Variants in MTUS2 observed in about 807,000 individuals in gnomAD.
MTUS2 encodes microtubule associated scaffold protein 2, also known as microtubule-associated tumor suppressor candidate 2.
In MTUS2, 40 loss-of-function variants were observed where a neutral mutation model predicts 114.1. The observed-to-expected ratio is 0.35, with a 90% CI of 0.27 to 0.46. The LOEUF is 0.46. Among genes scored for constraint, MTUS2 ranks in the 20% least tolerant of loss-of-function variants. The pLI is 1.00. For synonymous variants in MTUS2, 688 were observed against 672.0 expected (o/e 1.02, Z -0.37); for missense variants, 1,679 against 1,705.4 (o/e 0.98, Z 0.27).
At chr13:29,071,299 ATCTTGCTTGTTTTTATAGCACATTGT>A (rs1453018071) in intron 4 of MTUS2, among the ~76,000 whole-genome samples, 1 of 147,766 alleles carries the variant, frequency 6.8e-6, no homozygotes, top group Non-Finnish European at 1.5e-5. Context: ...CGTGCCCAGC[ATCTTGCTTGTTTTTATAGCACATTGT>A]TCTTTATTTT....
chr13:28,858,259 T>C (rs370311209), intron 2 of MTUS2, among the ~76,000 whole-genome samples: 5 of 152,320 alleles, frequency 3.3e-5, no homozygotes, highest in South Asian at 4.1e-4. Context: ...TTTTAGTTTA[T>C]GTAAGTGTAT....
At chr13:29,059,228 A>ATTTTTTTTTTTTTTTT (rs35369352) in intron 4 of MTUS2, among the ~76,000 whole-genome samples, 108 of 97,080 alleles carry the variant, frequency 1.1e-3, no homozygotes, top group East Asian at 1.8e-3. Flanking sequence ...TATTCTTTGG[A>ATTTTTTTTTTTTTTTT]TTTTTTTTTT....
intron 8 of MTUS2, among the ~76,000 whole-genome samples, chr13:29,392,483 T>G (rs957464340): frequency 2.0e-5 from 3 of 152,168 alleles, no homozygotes; most frequent in African/African-American, 7.2e-5. Context: ...AGGAGACATC[T>G]CCTCTCATGC....
intron 5 of MTUS2, among the ~76,000 whole-genome samples, chr13:29,205,529 C>T (rs1895149004): frequency 6.6e-6 from 1 of 152,144 alleles, no homozygotes; most frequent in Non-Finnish European, 1.5e-5. Flanking sequence ...GTACACTGCA[C>T]CCAGTGTGTA....
chr13:28,936,409 A>G (rs1456675927), intron 2 of MTUS2, among the ~76,000 whole-genome samples: 2 of 152,160 alleles, frequency 1.3e-5, no homozygotes, highest in Non-Finnish European at 2.9e-5. Context: ...AGGGCCTTCA[A>G]TTGCTCCTTA....
chr13:28,914,993 A>G (rs970325369), intron 2 of MTUS2, among the ~76,000 whole-genome samples: 2 of 151,796 alleles, frequency 1.3e-5, no homozygotes, highest in South Asian at 2.1e-4. Flanking sequence ...GTCTTTGCAT[A>G]TGAGATGGGT....
intron 2 of MTUS2, among the ~76,000 whole-genome samples, chr13:28,871,404 G>T (rs1484824097): frequency 6.6e-6 from 1 of 152,136 alleles, no homozygotes; most frequent in Non-Finnish European, 1.5e-5. Context: ...TAGTGGCTCA[G>T]TGAAGTTTTT....
intron 8 of MTUS2, among the ~76,000 whole-genome samples, chr13:29,360,816 T>G (rs11839263): frequency 0.028 from 4,176 of 151,748 alleles, 178 homozygotes; most frequent in African/African-American, 0.095. Flanking sequence ...TCCCACTGAC[T>G]GTCAAGTTGT....
chr13:29,456,374 G>T (rs774074393), intron 9 of MTUS2, among the ~76,000 whole-genome samples: 39 of 152,318 alleles, frequency 2.6e-4, no homozygotes, highest in Non-Finnish European at 4.6e-4. Context: ...TAGCAACCAG[G>T]TCTAACAGAT....
intron 7 of MTUS2, among the ~76,000 whole-genome samples, chr13:29,341,143 T>C (rs936176690): frequency 1.6e-4 from 24 of 152,312 alleles, no homozygotes; most frequent in African/African-American, 4.1e-4. Flanking sequence ...TAAAATGAAT[T>C]CTTTTCCTCT....
Position 29,181,788 on chromosome 13 carries a change from C to CTGTGTGTG in MTUS2, c.2644+80846_2644+80853dup, listed in dbSNP as rs34853883. 3.2e-3 allele frequency among the ~76,000 whole-genome samples: 469 copies of CTGTGTGTG among 146,818 alleles called. 3 individuals carry two copies. The highest frequency in any genetic ancestry group is 0.011 in the African/African-American group (451 of 39,816). ...AGAAATCATTATAATTTATATACTA[C>CTGTGTGTG]TGTGTGTGTGTGTGTGTGTGTGTGT... On this transcript the variant is annotated intron_variant, in intron 5 of 15. Coordinates refer to ENST00000612955, the MANE Select transcript of MTUS2 (RefSeq NM_001033602.4).
chr13:29,390,082 C>T (rs558988620), intron 8 of MTUS2, among the ~76,000 whole-genome samples: 4 of 128,696 alleles, frequency 3.1e-5, no homozygotes, highest in Non-Finnish European at 3.4e-5. Context: ...TATACACATA[C>T]GTATATGTAC....
At chr13:28,860,465 T>C (rs889641897) in intron 2 of MTUS2, among the ~76,000 whole-genome samples, 1 of 152,208 alleles carries the variant, frequency 6.6e-6, no homozygotes, top group African/African-American at 2.4e-5. Flanking sequence ...AGACTCCTCA[T>C]GTGAAACCAG....
At chr13:29,245,251 TG>T (rs915813897) in intron 5 of MTUS2, among the ~76,000 whole-genome samples, 2 of 152,264 alleles carry the variant, frequency 1.3e-5, no homozygotes, top group Admixed American at 1.3e-4. Context: ...TCATGGTTTT[TG>T]TTGGAATGAG....
In MTUS2 at chr13:29,423,959, G is replaced by C. The variant is rs536174935; in HGVS notation, c.3118-16024G>C. The stretch of plus-strand genomic sequence containing the variant: ...GGCTCACGGCAACCTCGGCCTCCAG[G>C]GTTCAAGGGATTCTCCTGCCTCAGC... On this transcript the variant is annotated intron_variant, in intron 8 of 15. Transcript: ENST00000612955. 2.6e-5 allele frequency among the ~76,000 whole-genome samples: 4 copies of C among 151,926 alleles called. No individual in the cohort carries two copies. In the South Asian group the frequency reaches 8.3e-4, roughly 32 times the overall value.
chr13:29,087,109 A>T (rs918821532), intron 4 of MTUS2, among the ~76,000 whole-genome samples: 3 of 152,114 alleles, frequency 2.0e-5, no homozygotes, highest in Non-Finnish European at 4.4e-5. Context: ...CTCTTGCCTG[A>T]TTACTCTGGC....
intron 5 of MTUS2, among the ~76,000 whole-genome samples, chr13:29,273,923 C>T (rs765883711): frequency 6.6e-6 from 1 of 152,080 alleles, no homozygotes; most frequent in Non-Finnish European, 1.5e-5. Flanking sequence ...ATTCATCAGT[C>T]GATGGGGGGC....
chr13:28,828,324 C>T (rs1874415423), intron 1 of MTUS2, among the ~76,000 whole-genome samples: 1 of 152,134 alleles, frequency 6.6e-6, no homozygotes, highest in Non-Finnish European at 1.5e-5. Context: ...ACCCAGATTT[C>T]ATATTGTTTA....
chr13:28,971,124 T>A (rs1883836990), intron 2 of MTUS2, among the ~76,000 whole-genome samples: 1 of 152,190 alleles, frequency 6.6e-6, no homozygotes, highest in Admixed American at 6.5e-5. Flanking sequence ...GAGATTGGTG[T>A]TGGATTTGGG....
Sources: gnomAD v4.1 joint callset for allele counts (sites outside exome capture counted in the v4.1 genomes callset) on GRCh38, gnomAD v4.1.1 for gene constraint, MANE v1.5 for transcripts, NCBI Gene and HGNC (gene_info 2026-07-23, HGNC 2026-07-21) for gene names.